The following TTC28 variants were observed in gnomAD, a reference collection of about 807,000 sequenced individuals.
The protein encoded by TTC28 is tetratricopeptide repeat protein 28.
In TTC28, 61 loss-of-function variants were observed where a neutral mutation model predicts 198.0. The ratio of observed to expected loss-of-function variants is 0.31; its 90% CI spans 0.25 to 0.38. The LOEUF is 0.38. Ranked by LOEUF, TTC28 falls within the 10% of genes least tolerant of loss-of-function variation. The pLI is 1.00. For missense variants in TTC28, 2,678 were observed against 3,164.0 expected (o/e 0.85, Z 3.69); for synonymous variants, 1,171 against 1,297.8 (o/e 0.90, Z 2.10).
intron 12 of TTC28, among the ~76,000 whole-genome samples, chr22:28,031,444 G>A (rs1050776143): frequency 6.6e-6 from 1 of 152,188 alleles, no homozygotes; most frequent in African/African-American, 2.4e-5. Flanking sequence ...GGGCACCAGG[G>A]CACTGCAGGC....
chr22:28,401,138 AAGG>A (rs1198675344), intron 2 of TTC28, among the ~76,000 whole-genome samples: 1 of 151,798 alleles, frequency 6.6e-6, no homozygotes, highest in Non-Finnish European at 1.5e-5. Context: ...GAAGTCTAAG[AAGG>A]AGAAGGAGGA....
intron 12 of TTC28, among the ~76,000 whole-genome samples, chr22:28,040,458 A>G (rs1211755867): frequency 6.6e-6 from 1 of 152,230 alleles, no homozygotes. Flanking sequence ...AATGTAATCT[A>G]TTACATAAAT....
intron 2 of TTC28, among the ~76,000 whole-genome samples, chr22:28,588,497 T>A (rs1030823212): frequency 5.3e-5 from 8 of 152,092 alleles, no homozygotes; most frequent in African/African-American, 1.9e-4. Flanking sequence ...AAGGCAGGTG[T>A]CTCCACAGAG....
intron 10 of TTC28, among the ~76,000 whole-genome samples, chr22:28,096,774 C>A (rs914866248): frequency 6.6e-6 from 1 of 151,762 alleles, no homozygotes; most frequent in Non-Finnish European, 1.5e-5. Flanking sequence ...GCTTCTGACA[C>A]CAGGTTTATT....
chr22:28,673,775 G>C (rs1196208918), intron 1 of TTC28, among the ~76,000 whole-genome samples: 1 of 152,104 alleles, frequency 6.6e-6, no homozygotes, highest in East Asian at 1.9e-4. Context: ...GATGTTCCAA[G>C]CATCATATTT....
Position 28,427,769 on chromosome 22 carries a change from C to CA in TTC28, c.382-121127dup, listed in dbSNP as rs538159366. ...CCCCAAATACAAATGTTTATGTTAT[C>CA]AAAAAAAAAAAGAAGTCGAATTCAG... On this transcript the variant is annotated intron_variant, in intron 2 of 22. Coordinates refer to ENST00000397906, the MANE Select transcript of TTC28 (RefSeq NM_001145418.2). Among the ~76,000 whole-genome samples the CA allele has an allele frequency of 3.3e-3, 473 of 142,558 alleles. 2 individuals are homozygous for CA. Among genetic ancestry groups the CA allele is most frequent in the Middle Eastern group, 0.014 (4 of 286 alleles). The allele number at this position is 142,558 out of a possible 152,430, so 93.5% of individuals were successfully genotyped here.
At chr22:28,641,322 C>CAA (rs58686330) in intron 1 of TTC28, among the ~76,000 whole-genome samples, 2 of 133,092 alleles carry the variant, frequency 1.5e-5, no homozygotes, top group Admixed American at 7.8e-5. Flanking sequence ...GACTCCGTCT[C>CAA]AAAAAAAAAA....
chr22:28,172,855 C>T (rs892484421), intron 5 of TTC28, among the ~76,000 whole-genome samples: 1 of 152,202 alleles, frequency 6.6e-6, no homozygotes, highest in Non-Finnish European at 1.5e-5. Flanking sequence ...GGCTATGTAA[C>T]ACTAATAAGT....
intron 12 of TTC28, among the ~76,000 whole-genome samples, chr22:28,046,334 G>C (rs1939860414): frequency 6.6e-6 from 1 of 152,190 alleles, no homozygotes; most frequent in African/African-American, 2.4e-5. Context: ...AAACCTAGCT[G>C]AGACAGCCTA....
In TTC28 at chr22:28,101,782, T is replaced by TAA. The variant is rs11459818; in HGVS notation, c.3308-504_3308-503dup. On this transcript the variant is annotated intron_variant, in intron 8 of 22. Coordinates refer to ENST00000397906, the MANE Select transcript of TTC28 (RefSeq NM_001145418.2). The stretch of plus-strand genomic sequence containing the variant: ...GCAACTTAGTGAGACCCATCTCTGT[T>TAA]AAAAAAAAAAAAAAAAAAAAAAAAA... 2.8e-3 allele frequency among the ~76,000 whole-genome samples: 147 copies of TAA among 53,170 alleles called. 4 individuals are homozygous for TAA. The highest frequency in any genetic ancestry group is 0.011 in the East Asian group (17 of 1,484). 34.9% of individuals were successfully genotyped at this position (53,170 alleles called of 152,430 possible). A position where few individuals can be genotyped will look rare whatever the true frequency, so the allele number is the denominator to read the frequency against.
chr22:28,615,913 C>T (rs2050898585), intron 2 of TTC28, among the ~76,000 whole-genome samples: 1 of 152,068 alleles, frequency 6.6e-6, no homozygotes, highest in Middle Eastern at 3.2e-3. Flanking sequence ...CCTGCACATT[C>T]TGCACATGTA....
chr22:28,539,605 C>T (rs527335617), intron 2 of TTC28, among the ~76,000 whole-genome samples: 1 of 151,228 alleles, frequency 6.6e-6, no homozygotes, highest in South Asian at 2.1e-4. Flanking sequence ...CACTGCACAT[C>T]AGCCTGGGCA....
chr22:28,143,790 A>G (rs528392975), intron 6 of TTC28, among the ~76,000 whole-genome samples: 6 of 152,242 alleles, frequency 3.9e-5, no homozygotes, highest in Non-Finnish European at 8.8e-5. Context: ...AGGGCTCAGC[A>G]AAAGTTAAAA....
intron 2 of TTC28, among the ~76,000 whole-genome samples, chr22:28,409,893 T>C (rs1009528757): frequency 3.4e-5 from 5 of 148,472 alleles, no homozygotes; most frequent in Non-Finnish European, 7.4e-5. Context: ...CTTGACCTCA[T>C]GATCCGCCCA....
In TTC28 at chr22:28,108,247, G is replaced by A. The variant is rs763920308; in HGVS notation, c.1598C>T (p.Ala533Val). 5 of 1,549,244 alleles carry A rather than the reference G, an allele frequency of 3.2e-6. No homozygotes were observed. The highest frequency in any genetic ancestry group is 2.6e-6 in the Non-Finnish European group (3 of 1,145,500). Residue 533 changes from alanine to valine, a missense_variant, in exon 7 of 23, where the codon GCG (alanine) becomes GTG (valine). Ala to Val is a moderately conservative substitution (Grantham distance 64). Around this residue, in one of 8 missense-constraint regions of TTC28, gnomAD observed 775 missense variants for 845.9 expected, o/e 0.92. Coordinates refer to ENST00000397906, the MANE Select transcript of TTC28 (RefSeq NM_001145418.2). ...AYNALGMYDQ[A>V]VKYHRQELQI... ...CAGCTCCTGCCGATGGTATTTGACCGCCTGGTCGTACATGCCCAGGGCATT... is the reference window on the plus strand; with the variant it reads ...CAGCTCCTGCCGATGGTATTTGACCACCTGGTCGTACATGCCCAGGGCATT...
intron 12 of TTC28, among the ~76,000 whole-genome samples, chr22:28,058,620 TA>T: frequency 6.6e-6 from 1 of 152,132 alleles, no homozygotes; most frequent in Non-Finnish European, 1.5e-5. Flanking sequence ...GTATTAGGGT[TA>T]TAATACAAGT....
At chr22:28,673,950 T>C (rs2051932478) in intron 1 of TTC28, among the ~76,000 whole-genome samples, 1 of 151,992 alleles carries the variant, frequency 6.6e-6, no homozygotes, top group East Asian at 1.9e-4. Context: ...ATTGTAACCA[T>C]GAAATTTAAT....
chr22:28,075,829 C>T (rs1040896063), intron 12 of TTC28, among the ~76,000 whole-genome samples: 3 of 152,166 alleles, frequency 2.0e-5, no homozygotes, highest in South Asian at 4.1e-4. Flanking sequence ...GTAGGCAGAG[C>T]GAGGCACAGG....
chr22:28,167,341 G>C (rs887192920), intron 5 of TTC28, among the ~76,000 whole-genome samples: 2 of 152,212 alleles, frequency 1.3e-5, no homozygotes, highest in Non-Finnish European at 2.9e-5. Flanking sequence ...GCATTATCCT[G>C]ATACCAAAGC....
Sources: allele counts gnomAD v4.1 joint callset (sites outside exome capture counted in the v4.1 genomes callset), GRCh38; gene constraint gnomAD v4.1.1; regional missense constraint gnomAD v4.1.1; transcripts MANE v1.5; gene names NCBI Gene and HGNC (gene_info 2026-07-23, HGNC 2026-07-21).